ATP2B1: variants seen among roughly 807,000 people sequenced by gnomAD.
The protein encoded by ATP2B1 is plasma membrane calcium-transporting ATPase 1.
ATP2B1 carries 14 observed loss-of-function variants against 124.2 expected under a neutral mutation model. The ratio of observed to expected loss-of-function variants is 0.11; its 90% CI spans 0.07 to 0.18. The LOEUF (loss-of-function observed/expected upper bound fraction) is 0.18, where lower values mean the gene tolerates loss of function less well. Among genes scored for constraint, ATP2B1 ranks in the 10% least tolerant of loss-of-function variants. ATP2B1 has a pLI of 1.00. For synonymous variants in ATP2B1, 449 were observed against 492.4 expected, an observed-to-expected ratio of 0.91 and a Z score of 1.17; for missense variants, 763 against 1,466.1, an observed-to-expected ratio of 0.52 and a Z score of 7.83.
intron 6 of ATP2B1, among the ~76,000 whole-genome samples, chr12:89,629,836 C>G (rs1881560989): frequency 6.6e-6 from 1 of 152,112 alleles, no homozygotes. Flanking sequence ...CACTTAGAAG[C>G]AGGGTGGGGA....
rs1873002428 is a variant in ATP2B1, at chr12:89,588,428, G to T, written c.*2556C>A. The T allele has an allele frequency of 6.6e-6, 1 of 152,470 alleles. No individual in the cohort carries two copies. The highest frequency in any genetic ancestry group is 1.9e-4 in the East Asian group (1 of 5,192). 9.4% of individuals were successfully genotyped at this position (152,470 alleles called of 1,614,324 possible). On this transcript the variant is annotated 3_prime_UTR_variant, in exon 21 of 21. Transcript: ENST00000428670. ...AAAGGATTTTTAAAAAATATACAAA[G>T]ATTAAAAACATTTGGGATGCAAAAT...
chr12:89,655,591 G>T (rs539116374), intron 2 of ATP2B1, 88 bp downstream of exon 2: 3 of 1,259,868 alleles, frequency 2.4e-6, no homozygotes, highest in African/African-American at 1.5e-5. Flanking sequence ...TCATACAATC[G>T]CCAAGATAAT....
intron 15 of ATP2B1, among the ~76,000 whole-genome samples, chr12:89,605,089 AAAG>A (rs1876578673): frequency 6.6e-6 from 1 of 152,346 alleles, no homozygotes; most frequent in African/African-American, 2.4e-5. Context: ...AATGCTGAAT[AAAG>A]AAGATGAACT....
chr12:89,619,896 A>G lies in ATP2B1; in HGVS notation c.1829+103T>C, dbSNP rs1879686892. The G allele has an allele frequency of 3.4e-6, 5 of 1,450,846 alleles. No individual in the cohort carries two copies. The African/African-American group carries it at 7.1e-5, about 21-fold the overall frequency. 89.9% of individuals were successfully genotyped at this position (1,450,846 alleles called of 1,614,324 possible). A position where few individuals can be genotyped will look rare whatever the true frequency, so the allele number is the denominator to read the frequency against. ...GCTAAAAAACTCTGAGGTCCTATCA[A>G]ATGCCTGATGTTCACAAAAAGACAA... is the stretch of plus-strand genomic sequence containing the variant. On this transcript the variant is annotated intron_variant, in intron 11 of 20. Transcript: ENST00000428670.
At chr12:89,600,012 G>A (rs562211729) in intron 19 of ATP2B1, among the ~76,000 whole-genome samples, 6 of 152,294 alleles carry the variant, frequency 3.9e-5, no homozygotes, top group Middle Eastern at 3.4e-3. Flanking sequence ...TCACCAAGGT[G>A]AAATAGGCTT....
chr12:89,654,526 TG>T (rs1186138414), intron 2 of ATP2B1, among the ~76,000 whole-genome samples: 1 of 152,186 alleles, frequency 6.6e-6, no homozygotes, highest in Non-Finnish European at 1.5e-5. Context: ...GAAGCCCTGT[TG>T]GGACATGTGT....
chr12:89,658,603 G>GAGAC (rs1886266852), intron 1 of ATP2B1, among the ~76,000 whole-genome samples: 3 of 102,918 alleles, frequency 2.9e-5, no homozygotes, highest in Non-Finnish European at 6.5e-5. Flanking sequence ...AAACAGGAGA[G>GAGAC]AGAGAGAGAG....
chr12:89,683,374 C>T (rs1242311638), intron 1 of ATP2B1, among the ~76,000 whole-genome samples: 1 of 152,188 alleles, frequency 6.6e-6, no homozygotes, highest in Non-Finnish European at 1.5e-5. Context: ...GGACTTGAAG[C>T]CAGGTCAGCT....
Position 89,616,954 on chromosome 12 carries a change from G to A in ATP2B1, c.1915C>T (p.Pro639Ser). 1.9e-6 allele frequency: 3 copies of A among 1,614,070 alleles called. No homozygotes were observed. Among genetic ancestry groups the A allele is most frequent in the Non-Finnish European group, 2.5e-6 (3 of 1,179,990 alleles). The change falls in exon 12 of 21, where the codon CCG becomes TCG. Residue 639 changes from proline to serine, a missense_variant. Coordinates refer to ENST00000428670, the MANE Select transcript of ATP2B1 (RefSeq NM_001366521.1). ...GTTCTCAAGCCTTCTGATGCCATCGGTTCAATCACAGTTTTTACAATATCA... is the reference window on the plus strand; with the variant it reads ...GTTCTCAAGCCTTCTGATGCCATCGATTCAATCACAGTTTTTACAATATCA... ...RDDIVKTVIE[P>S]MASEGLRTIC...
At chr12:89,680,262 A>G (rs1028543456) in intron 1 of ATP2B1, among the ~76,000 whole-genome samples, 2 of 152,188 alleles carry the variant, frequency 1.3e-5, no homozygotes. Flanking sequence ...AGAAAACTGT[A>G]AAGCAATACT....
chr12:89,601,561 T>C, intron 18 of ATP2B1, 128 bp from the exon 19 acceptor site: 1 of 510,968 alleles, frequency 2.0e-6, no homozygotes, highest in East Asian at 3.4e-5. Flanking sequence ...TTGTATTATA[T>C]TAGTCACAAC....
chr12:89,607,112 CAT>C (rs1877064876), intron 15 of ATP2B1, among the ~76,000 whole-genome samples: 1 of 152,160 alleles, frequency 6.6e-6, no homozygotes, highest in Non-Finnish European at 1.5e-5. Flanking sequence ...TTCTAGGAGT[CAT>C]ATGATATCGC....
chr12:89,659,737 ACGGTGAAACCC>A (rs917759800), intron 1 of ATP2B1, among the ~76,000 whole-genome samples: 2 of 152,094 alleles, frequency 1.3e-5, no homozygotes, highest in Non-Finnish European at 2.9e-5. Flanking sequence ...TCTGGCTAAC[ACGGTGAAACCC>A]CGTCTCTACT....
At position 89,620,155 on chromosome 12, in the gene ATP2B1, C is replaced by T. The variant is rs199582675; in HGVS notation, c.1673G>A (p.Arg558Gln). The T allele has an allele frequency of 3.7e-6, 6 of 1,614,006 alleles. No homozygotes were observed. Among genetic ancestry groups the T allele is most frequent in the African/African-American group, 1.3e-5 (1 of 75,006 alleles). The change falls in exon 11 of 21, where the codon CGG becomes CAG. Residue 558 changes from arginine to glutamine, a missense_variant. By Grantham distance (43) the Arg-to-Gln change is conservative. Transcript: ENST00000428670. ...ALLGLLLDLK[R>Q]DYQDVRNEIP... ...TTCATTTCTAACATCCTGATAATCC[C>T]GTTTTAAATCCAAAAGAAGTCCCAA...
chr12:89,626,737 T>C, intron 7 of ATP2B1, 122 bp from the exon 8 acceptor site: 3 of 1,149,514 alleles, frequency 2.6e-6, no homozygotes, highest in Non-Finnish European at 3.5e-6. Flanking sequence ...GCATTCAGCT[T>C]TGTGAGTGTG....
chr12:89,612,133 T>C (rs1424303154), intron 12 of ATP2B1: 1 of 152,214 alleles, frequency 6.6e-6, no homozygotes, highest in Non-Finnish European at 1.5e-5. Flanking sequence ...ACCCTGCCTT[T>C]AAGTTTGTTC....
chr12:89,609,585 T>C (rs1877607262), intron 15 of ATP2B1, among the ~76,000 whole-genome samples: 1 of 152,178 alleles, frequency 6.6e-6, no homozygotes, highest in Admixed American at 6.5e-5. Context: ...GTTTCAATTA[T>C]ATTTTTAATT....
At chr12:89,648,771 G>A (rs1884846686) in intron 2 of ATP2B1, among the ~76,000 whole-genome samples, 1 of 152,204 alleles carries the variant, frequency 6.6e-6, no homozygotes, top group Non-Finnish European at 1.5e-5. Context: ...CCCATCACAG[G>A]CCCAGCAGCC....
chr12:89,604,059 A>G, intron 16 of ATP2B1, 96 bp downstream of exon 16: 2 of 1,414,450 alleles, frequency 1.4e-6, no homozygotes, highest in Non-Finnish European at 1.9e-6. Context: ...CTAAAATATT[A>G]AGCTTCAGCT....
Sources: gnomAD v4.1 joint callset for allele counts (sites outside exome capture counted in the v4.1 genomes callset) on GRCh38, gnomAD v4.1.1 for gene constraint, MANE v1.5 for transcripts, NCBI Gene and HGNC (gene_info 2026-07-23, HGNC 2026-07-21) for gene names.